The following FGF14 variants were observed in gnomAD, a reference collection of about 807,000 sequenced individuals.
The protein encoded by FGF14 is fibroblast growth factor 14.
FGF14 carries 5 observed loss-of-function variants against 25.5 expected under a neutral mutation model. The ratio of observed to expected loss-of-function variants is 0.20; its 90% CI spans 0.10 to 0.41. FGF14 has a LOEUF of 0.41. Ranked by LOEUF, FGF14 falls within the 10% of genes least tolerant of loss-of-function variation. FGF14 has a pLI of 1.00. For synonymous variants in FGF14, 138 were observed against 118.3 expected (o/e 1.17, Z -1.08); for missense variants, 222 against 320.1 (o/e 0.69, Z 2.34).
At chr13:101,817,933 T>C (rs781260356) in intron 3 of FGF14, among the ~76,000 whole-genome samples, 3 of 152,152 alleles carry the variant, frequency 2.0e-5, no homozygotes, top group Non-Finnish European at 2.9e-5. Context: ...CCACGTACGA[T>C]TGTGTACAAC....
chr13:102,199,942 T>A (rs1247036637), intron 1 of FGF14, among the ~76,000 whole-genome samples: 2 of 152,148 alleles, frequency 1.3e-5, no homozygotes, highest in East Asian at 3.9e-4. Flanking sequence ...GATGCACCCT[T>A]GTCCTGGATT....
intron 3 of FGF14, among the ~76,000 whole-genome samples, chr13:101,793,001 C>T (rs184060695): frequency 6.6e-6 from 1 of 152,014 alleles, no homozygotes. Context: ...AAATATTTGA[C>T]ATTTTCTTGC....
intron 1 of FGF14, among the ~76,000 whole-genome samples, chr13:102,042,581 G>C (rs1317781866): frequency 6.6e-6 from 1 of 152,126 alleles, no homozygotes; most frequent in Non-Finnish European, 1.5e-5. Context: ...AAAATGTCTA[G>C]AATGAATGAA....
At chr13:102,343,546 G>A (rs894401318) in intron 1 of FGF14, among the ~76,000 whole-genome samples, 8 of 152,158 alleles carry the variant, frequency 5.3e-5, no homozygotes, top group Admixed American at 3.9e-4. Context: ...CACATAATCA[G>A]ATTTTCTTTT....
intron 1 of FGF14, among the ~76,000 whole-genome samples, chr13:102,088,818 C>T (rs2044041874): frequency 6.6e-6 from 1 of 152,156 alleles, no homozygotes; most frequent in East Asian, 1.9e-4. Flanking sequence ...AAAATGCTTG[C>T]CGTAGGTCAG....
rs2038872038 is a variant in FGF14, at chr13:101,991,022, ACCT to A, written c.209-115729_209-115727del. On this transcript the variant is annotated intron_variant, in intron 1 of 4. Coordinates refer to the FGF14 transcript ENST00000376131. Reference sequence around the variant, plus strand: ...TACTAATGGAGCACATTACTTTTTAACCTTGGAGCACAATGGAGCACAATACTT... The same window carrying A: ...TACTAATGGAGCACATTACTTTTTAATGGAGCACAATGGAGCACAATACTT... Among the ~76,000 whole-genome samples, 5 of 152,230 alleles carry A rather than the reference ACCT, an allele frequency of 3.3e-5. No individual in the cohort carries two copies. In the South Asian group the frequency reaches 1.0e-3, roughly 32 times the overall value.
intron 1 of FGF14, among the ~76,000 whole-genome samples, chr13:102,378,621 ATCTATC>A (rs1298754204): frequency 8.4e-4 from 117 of 138,540 alleles, no homozygotes; most frequent in Middle Eastern, 3.9e-3. Flanking sequence ...CTATCTATCT[ATCTATC>A]TATCTATATA....
At chr13:102,230,639 T>C (rs548174977) in intron 1 of FGF14, among the ~76,000 whole-genome samples, 1 of 152,082 alleles carries the variant, frequency 6.6e-6, no homozygotes, top group Non-Finnish European at 1.5e-5. Context: ...AAAGGAGGTG[T>C]GTGTGCACTT....
At chr13:101,908,186 G>A (rs1272723634) in intron 1 of FGF14, among the ~76,000 whole-genome samples, 1 of 152,142 alleles carries the variant, frequency 6.6e-6, no homozygotes, top group Admixed American at 6.6e-5. Context: ...TATTGACTGT[G>A]AATTTAAAGT....
intron 1 of FGF14, among the ~76,000 whole-genome samples, chr13:102,168,515 C>A (rs2048114268): frequency 6.6e-6 from 1 of 152,192 alleles, no homozygotes; most frequent in African/African-American, 2.4e-5. Context: ...TACAAAGACT[C>A]CACTGACCCT....
chr13:102,116,641 A>T (rs1458764176), intron 1 of FGF14, among the ~76,000 whole-genome samples: 2 of 152,142 alleles, frequency 1.3e-5, no homozygotes, highest in African/African-American at 2.4e-5. Context: ...CCTAAAGTAT[A>T]TCAGAGGGCG....
chr13:102,146,968 G>C (rs1244265458), intron 1 of FGF14, among the ~76,000 whole-genome samples: 2 of 152,142 alleles, frequency 1.3e-5, no homozygotes, highest in African/African-American at 4.8e-5. Context: ...TTCTGCCAGT[G>C]GCTGGCAGCC....
intron 3 of FGF14, among the ~76,000 whole-genome samples, chr13:101,794,721 A>G (rs1313510519): frequency 6.6e-6 from 1 of 152,140 alleles, no homozygotes; most frequent in South Asian, 2.1e-4. Context: ...TTACAAAGCC[A>G]TCTCTAGCAA....
At chr13:102,192,806 A>G (rs528444263) in intron 1 of FGF14, among the ~76,000 whole-genome samples, 6 of 152,016 alleles carry the variant, frequency 3.9e-5, no homozygotes, top group African/African-American at 1.2e-4. Flanking sequence ...TCATCTGGGA[A>G]CTCAACAGAA....
At chr13:102,016,492 A>C (rs1181583561) in intron 1 of FGF14, among the ~76,000 whole-genome samples, 1 of 152,172 alleles carries the variant, frequency 6.6e-6, no homozygotes, top group Non-Finnish European at 1.5e-5. Context: ...TAATACAAAT[A>C]CCTAGACCTA....
chr13:101,790,664 T>C (rs943279834), intron 3 of FGF14, among the ~76,000 whole-genome samples: 1 of 152,108 alleles, frequency 6.6e-6, no homozygotes, highest in Non-Finnish European at 1.5e-5. Flanking sequence ...GCATGCCTCA[T>C]TGTCCCTTTT....
At chr13:101,788,585 G>A (rs183214317) in intron 3 of FGF14, among the ~76,000 whole-genome samples, 64 of 152,000 alleles carry the variant, frequency 4.2e-4, no homozygotes, top group African/African-American at 1.4e-3. Context: ...ATGTGACTTC[G>A]ACATTACATG....
intron 1 of FGF14, among the ~76,000 whole-genome samples, chr13:102,337,456 A>G (rs571866933): frequency 1.3e-3 from 197 of 152,320 alleles, no homozygotes; most frequent in Middle Eastern, 3.4e-3. Flanking sequence ...ATGAGCAAAG[A>G]AAGTGTTTTT....
chr13:101,918,659 C>CT (rs1723041354), upstream of FGF14, among the ~76,000 whole-genome samples: 1 of 152,222 alleles, frequency 6.6e-6, no homozygotes, highest in Non-Finnish European at 1.5e-5. Flanking sequence ...CTCTAAGCAA[C>CT]TTATCCACAG....
Sources: gnomAD v4.1 joint callset for allele counts (sites outside exome capture counted in the v4.1 genomes callset) on GRCh38, gnomAD v4.1.1 for gene constraint, MANE v1.5 for transcripts, NCBI Gene and HGNC (gene_info 2026-07-23, HGNC 2026-07-21) for gene names.